The following BLTP3B variants were observed in gnomAD, a reference collection of about 807,000 sequenced individuals.
BLTP3B encodes bridge-like lipid transfer protein family member 3B, also known as UHRF1 (ICBP90) binding protein 1-like.
chr12:100,105,217 C>G, the BLTP3B span, among the ~76,000 whole-genome samples: 2 of 152,088 alleles, frequency 1.3e-5, no homozygotes, highest in Non-Finnish European at 2.9e-5. Context: ...CTGGAGGCAT[C>G]ACATTACCCA....
At chr12:100,072,714 C>T in the BLTP3B span, 13 of 1,597,256 alleles carry the variant, frequency 8.1e-6, no homozygotes, top group Non-Finnish European at 8.5e-7. Context: ...TCTGTGAATT[C>T]TATATAGACA....
At chr12:100,121,563 GC>G in the BLTP3B span, among the ~76,000 whole-genome samples, 5 of 152,090 alleles carry the variant, frequency 3.3e-5, no homozygotes, top group East Asian at 9.7e-4. Context: ...AGGCATGGTG[GC>G]TCAAGCTTGT....
the BLTP3B span, among the ~76,000 whole-genome samples, chr12:100,038,627 C>A: frequency 1.5e-3 from 222 of 152,250 alleles, no homozygotes; most frequent in Non-Finnish European, 2.7e-3. Flanking sequence ...TGAGCCACAG[C>A]GCCCTACAGA....
chr12:100,041,884 AC>A, the BLTP3B span, among the ~76,000 whole-genome samples: 2 of 152,172 alleles, frequency 1.3e-5, no homozygotes, highest in Admixed American at 6.5e-5. Context: ...AACTAAGGAA[AC>A]AACTAAAAAC....
chr12:100,051,279 A>G, the BLTP3B span: 1 of 1,479,800 alleles, frequency 6.8e-7, no homozygotes, highest in Non-Finnish European at 9.1e-7. Flanking sequence ...ATGATCTAAC[A>G]CTGTATGCTT....
At chr12:100,054,311 T>C in the BLTP3B span, among the ~76,000 whole-genome samples, 2 of 152,096 alleles carry the variant, frequency 1.3e-5, no homozygotes, top group African/African-American at 2.4e-5. Context: ...ACAGCAAACA[T>C]ACATATATAT....
At chr12:100,044,689 T>A in the BLTP3B span, among the ~76,000 whole-genome samples, 1 of 152,086 alleles carries the variant, frequency 6.6e-6, no homozygotes, top group Non-Finnish European at 1.5e-5. Flanking sequence ...AAAGTGTCAC[T>A]ATACAAGGAT....
chr12:100,065,269 CGT>C, the BLTP3B span, among the ~76,000 whole-genome samples: 1 of 151,634 alleles, frequency 6.6e-6, no homozygotes. Context: ...GATTGAAAAA[CGT>C]GTGTTTGAAC....
the BLTP3B span, among the ~76,000 whole-genome samples, chr12:100,104,884 CAAAAAAAAAAA>C: frequency 4.0e-3 from 263 of 66,058 alleles, 1 homozygote; most frequent in Middle Eastern, 0.043. Context: ...ACTGCTACTA[CAAAAAAAAAAA>C]AAAAAAAAAA....
chr12:100,141,434 T>G, the BLTP3B span, among the ~76,000 whole-genome samples: 1 of 129,632 alleles, frequency 7.7e-6, no homozygotes, highest in Non-Finnish European at 1.6e-5. Flanking sequence ...TATGTACATA[T>G]GTATATATAT....
At chr12:100,105,424 A>G in the BLTP3B span, among the ~76,000 whole-genome samples, 1 of 152,154 alleles carries the variant, frequency 6.6e-6, no homozygotes, top group Non-Finnish European at 1.5e-5. Context: ...AAAGCATACA[A>G]AAACACAAAC....
At chr12:100,095,859 T>C in the BLTP3B span, 1 of 1,553,638 alleles carries the variant, frequency 6.4e-7, no homozygotes, top group Non-Finnish European at 8.7e-7. Context: ...AAAAATGTTT[T>C]ATAAAATTAA....
At chr12:100,059,271 T>C in the BLTP3B span, 5 of 1,613,956 alleles carry the variant, frequency 3.1e-6, no homozygotes, top group Non-Finnish European at 4.2e-6. Context: ...ATAAATTTCA[T>C]GCATTTTGGT....
the BLTP3B span, among the ~76,000 whole-genome samples, chr12:100,042,806 T>G: frequency 3.9e-5 from 6 of 152,292 alleles, no homozygotes; most frequent in East Asian, 1.2e-3. Context: ...CAATCAAGTT[T>G]GTTTGTTTTT....
At chr12:100,088,127 C>T in the BLTP3B span, among the ~76,000 whole-genome samples, 5 of 152,120 alleles carry the variant, frequency 3.3e-5, no homozygotes, top group African/African-American at 9.7e-5. Context: ...CTTAAAAACA[C>T]ATGGCAAAAA....
chr12:100,054,164 G>A, the BLTP3B span, among the ~76,000 whole-genome samples: 1 of 151,828 alleles, frequency 6.6e-6, no homozygotes, highest in African/African-American at 2.4e-5. Flanking sequence ...CCAACATCAG[G>A]GAAATCTTTA....
the BLTP3B span, chr12:100,037,664 T>G: frequency 2.5e-6 from 4 of 1,609,670 alleles, no homozygotes; most frequent in East Asian, 6.7e-5. Flanking sequence ...CTTTATATGA[T>G]GAAGAAGAGC....
At chr12:100,042,043 T>C in the BLTP3B span, among the ~76,000 whole-genome samples, 3 of 151,932 alleles carry the variant, frequency 2.0e-5, no homozygotes, top group Admixed American at 2.0e-4. Context: ...ACAAATAAAC[T>C]TAACAAAAGA....
At chr12:100,129,708 A>G in the BLTP3B span, among the ~76,000 whole-genome samples, 4 of 152,234 alleles carry the variant, frequency 2.6e-5, no homozygotes, top group Admixed American at 1.3e-4. Flanking sequence ...AATAAAGCTG[A>G]GAGAAGAAGG....
Sources: gnomAD v4.1 joint callset for allele counts (sites outside exome capture counted in the v4.1 genomes callset) on GRCh38, gnomAD v4.1.1 for gene constraint, MANE v1.5 for transcripts, NCBI Gene and HGNC (gene_info 2026-07-23, HGNC 2026-07-21) for gene names.